The following PKHD1 variants were observed in gnomAD, a reference collection of about 807,000 sequenced individuals.
PKHD1 encodes PKHD1 ciliary IPT domain containing fibrocystin/polyductin, also known as fibrocystin.
PKHD1 carries 291 observed loss-of-function variants against 412.0 expected under a neutral mutation model. The observed-to-expected ratio is 0.71, with a 90% CI of 0.64 to 0.78. The LOEUF (loss-of-function observed/expected upper bound fraction) is 0.78. PKHD1 is among the 30% of genes least tolerant of loss of function. The pLI is 0.00. For missense variants in PKHD1, 4,825 were observed against 4,950.7 expected, an observed-to-expected ratio of 0.97 and a Z score of 0.76; for synonymous variants, 1,777 against 1,821.5, an observed-to-expected ratio of 0.98 and a Z score of 0.62.
intron 63 of PKHD1, among the ~76,000 whole-genome samples, chr6:51,646,123 G>A (rs1421159668): frequency 6.6e-6 from 1 of 152,134 alleles, no homozygotes; most frequent in Admixed American, 6.5e-5. Context: ...ATTTTTAAAT[G>A]TTCCATCGAA....
intron 60 of PKHD1, among the ~76,000 whole-genome samples, chr6:51,683,446 A>G (rs1446248555): frequency 1.3e-5 from 2 of 152,118 alleles, no homozygotes; most frequent in Non-Finnish European, 2.9e-5. Context: ...ACAGATGCCA[A>G]TCAGACAACA....
chr6:51,775,759 TAC>T, intron 54 of PKHD1, 47 bp downstream of exon 54: 1 of 886,286 alleles, frequency 1.1e-6, no homozygotes, highest in Non-Finnish European at 1.9e-6. Flanking sequence ...AAGCACACAA[TAC>T]ACACACATGC....
intron 55 of PKHD1, among the ~76,000 whole-genome samples, chr6:51,759,593 G>A (rs9395713): frequency 0.32 from 48,631 of 151,900 alleles, 9,662 homozygotes; most frequent in East Asian, 0.7. Flanking sequence ...GAGGAGGAGA[G>A]GAAGGGCTTG....
At chr6:52,073,590 A>G in intron 6 of PKHD1, 49 bp from the exon 7 acceptor site, 1 of 1,055,516 alleles carries the variant, frequency 9.5e-7, no homozygotes, top group Non-Finnish European at 1.5e-6. Context: ...CTCAAACTCA[A>G]TGTATAATAA....
intron 61 of PKHD1, 126 bp downstream of exon 61, chr6:51,658,826 T>G: frequency 1.4e-6 from 1 of 701,586 alleles, no homozygotes; most frequent in Non-Finnish European, 2.5e-6. Context: ...CTTTGAATTT[T>G]TATTCTTATC....
At chr6:51,664,326 G>A (rs1773354768) in intron 60 of PKHD1, among the ~76,000 whole-genome samples, 1 of 152,166 alleles carries the variant, frequency 6.6e-6, no homozygotes, top group Admixed American at 6.5e-5. Flanking sequence ...GAGAGGGAGA[G>A]AAGGAGACAG....
At chr6:51,806,989 T>C (rs1192293664) in intron 52 of PKHD1, among the ~76,000 whole-genome samples, 3 of 152,082 alleles carry the variant, frequency 2.0e-5, no homozygotes, top group African/African-American at 7.2e-5. Context: ...AGCCTGAGGA[T>C]ACCTAAAATA....
intron 36 of PKHD1, among the ~76,000 whole-genome samples, chr6:51,939,523 T>C (rs1205466023): frequency 6.6e-6 from 1 of 151,554 alleles, no homozygotes; most frequent in African/African-American, 2.4e-5. Flanking sequence ...GCAATGCCAC[T>C]TGACCCCATT....
At chr6:51,639,697 C>T (rs1225784969) in intron 63 of PKHD1, among the ~76,000 whole-genome samples, 1 of 152,158 alleles carries the variant, frequency 6.6e-6, no homozygotes, top group Admixed American at 6.6e-5. Context: ...TACCATTAAT[C>T]GTCTTTTGAC....
intron 63 of PKHD1, 97 bp from the exon 64 acceptor site, chr6:51,639,053 G>T (rs533874660): frequency 2.1e-6 from 2 of 950,528 alleles, no homozygotes; most frequent in African/African-American, 1.6e-5. Context: ...GACAATAAAG[G>T]ACAATTTTTT....
At chr6:51,658,867 G>A (rs1772326267) in intron 61 of PKHD1, 85 bp downstream of exon 61, 3 of 861,258 alleles carry the variant, frequency 3.5e-6, no homozygotes, top group African/African-American at 3.3e-5. Flanking sequence ...ATGATTCAGT[G>A]TAAGTAGATT....
chr6:51,873,203 T>A (rs1381272872), intron 46 of PKHD1, among the ~76,000 whole-genome samples: 2 of 123,038 alleles, frequency 1.6e-5, no homozygotes, highest in African/African-American at 6.1e-5. Flanking sequence ...GCATATAGAA[T>A]AATGCTTATA....
chr6:52,071,833 T>C (rs1280978887), intron 8 of PKHD1, among the ~76,000 whole-genome samples: 1 of 152,198 alleles, frequency 6.6e-6, no homozygotes, highest in African/African-American at 2.4e-5. Flanking sequence ...GACTTCAATG[T>C]AAAGCATTCG....
chr6:51,703,550 G>A (rs576100367), intron 60 of PKHD1, among the ~76,000 whole-genome samples: 1 of 151,868 alleles, frequency 6.6e-6, no homozygotes, highest in Non-Finnish European at 1.5e-5. Context: ...ATAATTCCAA[G>A]CCAGAAGAAG....
chr6:51,830,563 T>C (rs899475982), intron 52 of PKHD1, among the ~76,000 whole-genome samples: 4 of 152,256 alleles, frequency 2.6e-5, no homozygotes, highest in South Asian at 4.2e-4. Flanking sequence ...AACCTGTAAA[T>C]CCATTCTCTG....
chr6:51,900,303 G>C (rs1781019289), intron 43 of PKHD1, among the ~76,000 whole-genome samples: 1 of 152,100 alleles, frequency 6.6e-6, no homozygotes, highest in Non-Finnish European at 1.5e-5. Context: ...AAACAGCATG[G>C]TACTGGTACC....
intron 37 of PKHD1, among the ~76,000 whole-genome samples, chr6:51,930,425 T>C (rs1173683097): frequency 6.6e-6 from 1 of 152,158 alleles, no homozygotes. Flanking sequence ...TATAAGGGTG[T>C]GGGACTTTTC....
At chr6:51,834,504 A>G (rs1373739563) in intron 51 of PKHD1, among the ~76,000 whole-genome samples, 3 of 151,974 alleles carry the variant, frequency 2.0e-5, no homozygotes, top group Non-Finnish European at 2.9e-5. Flanking sequence ...ACCCATTCAA[A>G]CAATGGAATG....
At chr6:51,952,365 A>T (rs905372550) in intron 36 of PKHD1, among the ~76,000 whole-genome samples, 4 of 152,134 alleles carry the variant, frequency 2.6e-5, no homozygotes, top group Non-Finnish European at 5.9e-5. Flanking sequence ...AACAAACATG[A>T]ATCTGCCTCT....
Sources: gnomAD v4.1 joint callset for allele counts (sites outside exome capture counted in the v4.1 genomes callset) on GRCh38, gnomAD v4.1.1 for gene constraint, MANE v1.5 for transcripts, NCBI Gene and HGNC (gene_info 2026-07-23, HGNC 2026-07-21) for gene names.